The following HELZ variants were observed in gnomAD, a reference collection of about 807,000 sequenced individuals.
HELZ encodes the protein ATP-dependent RNA helicase with zinc finger domain.
A neutral mutation model predicts 218.2 loss-of-function variants in HELZ; 23 were observed. The ratio of observed to expected loss-of-function variants is 0.11; its 90% confidence interval spans 0.08 to 0.15. The LOEUF is 0.15. Ranked by LOEUF, HELZ falls within the 10% of genes least tolerant of loss-of-function variation. HELZ has a pLI of 1.00. For missense variants in HELZ, 1,813 were observed against 2,353.7 expected, an observed-to-expected ratio of 0.77 and a Z score of 4.75; for synonymous variants, 814 against 829.4, an observed-to-expected ratio of 0.98 and a Z score of 0.32.
intron 9 of HELZ, among the ~76,000 whole-genome samples, chr17:67,191,400 C>T (rs2039891802): frequency 6.6e-6 from 1 of 151,948 alleles, no homozygotes; most frequent in Admixed American, 6.5e-5. Flanking sequence ...GTTTACAACT[C>T]GGAAAATTCA....
intron 24 of HELZ, chr17:67,128,448 A>G (rs2037871590): frequency 1.7e-6 from 1 of 586,366 alleles, no homozygotes; most frequent in Non-Finnish European, 3.1e-6. Context: ...TTTGAGAATG[A>G]TCATAACATT....
chr17:67,120,124 C>A, intron 27 of HELZ: 1 of 374,076 alleles, frequency 2.7e-6, no homozygotes, highest in South Asian at 2.2e-5. Context: ...CTGCCTCAGC[C>A]TCCCAAGTAG....
chr17:67,116,725 T>C lies in HELZ; in HGVS notation c.3839-2322A>G, dbSNP rs1004038029. On this transcript the variant is annotated intron_variant, in intron 27 of 32. Coordinates refer to ENST00000358691, the MANE Select transcript of HELZ (RefSeq NM_014877.4). ...CTCACAGAACTTAGAAACCTGAACA[T>C]TGAAAATTAGACAAATACCAATTAT... is the stretch of plus-strand genomic sequence containing the variant. Among the ~76,000 whole-genome samples the C allele has an allele frequency of 6.6e-5, 10 of 152,312 alleles. No homozygotes were observed. The East Asian group carries it at 7.7e-4, about 12-fold the overall frequency.
intron 25 of HELZ, 152 bp downstream of exon 25, chr17:67,123,811 G>A: frequency 1.6e-6 from 1 of 608,828 alleles, no homozygotes; most frequent in Non-Finnish European, 2.9e-6. Flanking sequence ...AGGTTCCAAA[G>A]TGACTGTGTG....
In HELZ at chr17:67,194,709, A is replaced by G. The variant is rs73330311; in HGVS notation, c.482-667T>C. 7.0e-3 allele frequency among the ~76,000 whole-genome samples: 1,073 copies of G among 152,334 alleles called. 11 individuals carry two copies. Among genetic ancestry groups the G allele is most frequent in the African/African-American group, 0.024 (1,017 of 41,574 alleles). Reference sequence around the variant, plus strand: ...TGAGAAAAAAAGGCTAGAACTTTATAGAGGTTGAGCAGCAACAAGTTTCAA... The same window carrying G: ...TGAGAAAAAAAGGCTAGAACTTTATGGAGGTTGAGCAGCAACAAGTTTCAA... On this transcript the variant is annotated intron_variant, in intron 8 of 32. Transcript: ENST00000358691.
chr17:67,107,371 T>G lies in HELZ; in HGVS notation c.5039A>C (p.Asp1680Ala), dbSNP rs1376739748. ...APPPLKYLAPDGAWTFANLQQ... is the reference protein window; with the variant it reads ...APPPLKYLAPAGAWTFANLQQ... ...CAAGTTAGCAAAAGTCCATGCTCCA[T>G]CAGGTGCCAGGTATTTCAAGGGAGG... Residue 1680 changes from aspartate (D) to alanine (A), a missense_variant, in exon 31 of 33, where the codon GAT becomes GCT. By Grantham distance (126) the Asp-to-Ala change is moderately radical. Transcript: ENST00000358691. The G allele has an allele frequency of 6.2e-7, 1 of 1,613,984 alleles. No homozygotes were observed. The highest frequency in any genetic ancestry group is 8.5e-7 in the Non-Finnish European group (1 of 1,179,998).
chr17:67,244,789 G>T, intron 1 of HELZ: 2 of 985,272 alleles, frequency 2.0e-6, no homozygotes, highest in Non-Finnish European at 2.4e-6. Context: ...GGAGGGGAAC[G>T]TGCCGGGAGG....
At chr17:67,084,540 G>A (rs979307966) in intron 32 of HELZ, among the ~76,000 whole-genome samples, 3 of 152,074 alleles carry the variant, frequency 2.0e-5, no homozygotes, top group African/African-American at 7.2e-5. Flanking sequence ...GCGGGCGCCT[G>A]TAGTCCCAGC....
intron 21 of HELZ, among the ~76,000 whole-genome samples, chr17:67,143,757 T>C (rs909878701): frequency 2.0e-5 from 3 of 152,166 alleles, no homozygotes; most frequent in African/African-American, 7.2e-5. Flanking sequence ...TTTCTCAGTC[T>C]CCTTCTACAA....
chr17:67,097,514 G>A (rs1465081088), intron 31 of HELZ, among the ~76,000 whole-genome samples: 1 of 152,118 alleles, frequency 6.6e-6, no homozygotes, highest in Non-Finnish European at 1.5e-5. Context: ...CAGAGGCAAG[G>A]GCACTTATAA....
chr17:67,078,336 C>T lies in HELZ; in HGVS notation c.5745G>A (p.Lys1915=). Reference sequence around the variant, plus strand: ...GGAAGAGAGACAGAGGGTCGCTACTCTTCTTGGCCTGCTCAGGAGGGGGCC... The same window carrying T: ...GGAAGAGAGACAGAGGGTCGCTACTTTTCTTGGCCTGCTCAGGAGGGGGCC... The part of the protein sequence containing the change: ...KPRPPPEQAK[K]SSDPLSLFQE... The change falls in exon 33 of 33, where the codon AAG becomes AAA. Residue 1915 remains lysine (K), a synonymous_variant. Transcript: ENST00000358691. 1 of 1,614,098 alleles carries T rather than the reference C, an allele frequency of 6.2e-7. No individual in the cohort carries two copies. The highest frequency in any genetic ancestry group is 8.5e-7 in the Non-Finnish European group (1 of 1,179,986).
chr17:67,193,799 GGAAGA>G (rs1361449660), intron 9 of HELZ, among the ~76,000 whole-genome samples, 163 bp downstream of exon 9: 1 of 152,164 alleles, frequency 6.6e-6, no homozygotes, highest in Admixed American at 6.5e-5. Context: ...TAGAATTAAA[GGAAGA>G]GAACTCATCA....
chr17:67,174,179 C>T (rs1277576970), intron 13 of HELZ, among the ~76,000 whole-genome samples: 1 of 146,692 alleles, frequency 6.8e-6, no homozygotes, highest in Non-Finnish European at 1.5e-5. Context: ...TTCTGGACTG[C>T]TTTGAAAAAA....
At chr17:67,079,790 T>C (rs2036131849) in intron 32 of HELZ, among the ~76,000 whole-genome samples, 1 of 152,266 alleles carries the variant, frequency 6.6e-6, no homozygotes, top group Admixed American at 6.5e-5. Context: ...ATTTCCTTGA[T>C]AGCTGGTGTG....
rs767377617 is a variant in HELZ, at chr17:67,149,904, T to C, written c.2438A>G (p.Gln813Arg). ...ETIMPLALAT[Q>R]NTRIVLAGDH... ...ACCAGCCAAGACAATCCGAGTGTTT[T>C]GAGTTGCTAATGCTAGAGGCATAAT... Residue 813 changes from glutamine to arginine, a missense_variant, in exon 19 of 33, where the codon CAA (glutamine) becomes CGA (arginine). This residue lies in a region of HELZ where 714 missense variants were observed against 1,029.2 expected (regional missense o/e 0.69). Coordinates refer to ENST00000358691, the MANE Select transcript of HELZ (RefSeq NM_014877.4). The C allele has an allele frequency of 5.1e-5, 82 of 1,611,174 alleles. No homozygotes were observed. Among genetic ancestry groups the C allele is most frequent in the Middle Eastern group, 3.3e-4 (2 of 6,052 alleles).
chr17:67,101,849 A>C (rs9895187), intron 31 of HELZ, among the ~76,000 whole-genome samples: 14,640 of 152,258 alleles, frequency 0.096, 1,848 homozygotes, highest in African/African-American at 0.29. Context: ...AAATGTAAAC[A>C]CTAATCCCAA....
intron 2 of HELZ, chr17:67,239,706 C>T (rs970438027): frequency 1.3e-5 from 2 of 152,222 alleles, no homozygotes; most frequent in African/African-American, 4.8e-5. Context: ...TACTACTGAG[C>T]TGTGTGACCT....
chr17:67,232,522 C>G (rs1475943089), intron 3 of HELZ, among the ~76,000 whole-genome samples: 1 of 151,548 alleles, frequency 6.6e-6, no homozygotes, highest in Non-Finnish European at 1.5e-5. Context: ...TCCCAGAAGA[C>G]TTAAGTTAAT....
rs1423640247 is a variant in HELZ, at chr17:67,201,148, G to A, written c.410C>T (p.Thr137Ile). ...MVTKDLTRLKTLLSETETATS... is the reference protein window; with the variant it reads ...MVTKDLTRLKILLSETETATS... ...CCTTACCTCTGTTTCTGAGAGAAGT[G>A]TTTTTAGTCTTGTCAAATCCTTTGT... Residue 137 changes from threonine to isoleucine, a missense_variant, in exon 7 of 33, where the codon ACA (threonine) becomes ATA (isoleucine). This residue lies in a region of HELZ where 714 missense variants were observed against 1,029.2 expected (regional missense o/e 0.69). Coordinates refer to ENST00000358691, the MANE Select transcript of HELZ (RefSeq NM_014877.4). 1 of 1,609,332 alleles carries A rather than the reference G, an allele frequency of 6.2e-7. No homozygotes were observed. Among genetic ancestry groups the A allele is most frequent in the Non-Finnish European group, 8.5e-7 (1 of 1,175,640 alleles).
Sources: gnomAD v4.1 joint callset for allele counts (sites outside exome capture counted in the v4.1 genomes callset) on GRCh38, gnomAD v4.1.1 for gene constraint, gnomAD v4.1.1 regional missense constraint, MANE v1.5 for transcripts, NCBI Gene and HGNC (gene_info 2026-07-23, HGNC 2026-07-21) for gene names.